Variants in C6 observed in about 807,000 individuals in gnomAD.
The protein encoded by C6 is complement C6, also known as complement component C6.
Under a neutral mutation model 112.9 loss-of-function variants are expected in C6, and 101 were observed. That is an observed-to-expected ratio of 0.89 (90% CI 0.76 to 1.06). C6 has a LOEUF of 1.06. Ranked by LOEUF, C6 falls within the 50% of genes least tolerant of loss-of-function variation. The pLI is 0.00. For missense variants in C6, 1,202 were observed against 1,104.6 expected, an observed-to-expected ratio of 1.09 and a Z score of -1.25; for synonymous variants, 431 against 384.1, an observed-to-expected ratio of 1.12 and a Z score of -1.43.
At chr5:41,209,559 C>T (rs1403403946) in intron 1 of C6, among the ~76,000 whole-genome samples, 3 of 152,182 alleles carry the variant, frequency 2.0e-5, no homozygotes, top group Admixed American at 1.3e-4. Flanking sequence ...AAATCACAGA[C>T]ATTCCTATAT....
At chr5:41,159,006 T>C (rs976549660) in intron 12 of C6, 76 bp downstream of exon 12, 24 of 1,488,252 alleles carry the variant, frequency 1.6e-5, no homozygotes, top group Admixed American at 5.0e-5. Flanking sequence ...AGCAGTAGAC[T>C]AATAACCATT....
At chr5:41,240,294 C>T (rs915141611) in intron 1 of C6, among the ~76,000 whole-genome samples, 6 of 152,080 alleles carry the variant, frequency 3.9e-5, no homozygotes, top group Non-Finnish European at 7.4e-5. Flanking sequence ...CCAAGAATGC[C>T]TGTTCTTGGA....
At chr5:41,149,808 A>T (rs4422567) in intron 16 of C6, 127 bp downstream of exon 16, 1 of 741,852 alleles carries the variant, frequency 1.3e-6, no homozygotes, top group African/African-American at 1.7e-5. Context: ...GAGCACAGGA[A>T]TATCAGTTAT....
intron 1 of C6, among the ~76,000 whole-genome samples, chr5:41,234,131 AG>A (rs1740083371): frequency 6.6e-6 from 1 of 152,080 alleles, no homozygotes; most frequent in Non-Finnish European, 1.5e-5. Context: ...TCTTTCCCAC[AG>A]GGGTCATTCT....
At chr5:41,186,639 T>C in intron 5 of C6, among the ~76,000 whole-genome samples, 1 of 152,230 alleles carries the variant, frequency 6.6e-6, no homozygotes, top group Middle Eastern at 3.4e-3. Flanking sequence ...TTTAATGGAA[T>C]TGTAATAATA....
chr5:41,232,274 C>T (rs111907754), intron 1 of C6, among the ~76,000 whole-genome samples: 1,546 of 152,166 alleles, frequency 0.01, 33 homozygotes, highest in African/African-American at 0.035. Flanking sequence ...GTCTTAGTAG[C>T]CCTTACTCAC....
chr5:41,246,929 G>A (rs906493954), intron 1 of C6, among the ~76,000 whole-genome samples: 4 of 152,098 alleles, frequency 2.6e-5, no homozygotes, highest in African/African-American at 7.2e-5. Flanking sequence ...AAATTTATAT[G>A]GTTATAAAAT....
chr5:41,228,790 G>A (rs1327426475), intron 1 of C6, among the ~76,000 whole-genome samples: 1 of 152,030 alleles, frequency 6.6e-6, no homozygotes, highest in African/African-American at 2.4e-5. Flanking sequence ...AATCATCCTT[G>A]CATCCCATGG....
chr5:41,209,275 G>C (rs932518922), intron 1 of C6, among the ~76,000 whole-genome samples: 1 of 152,130 alleles, frequency 6.6e-6, no homozygotes. Flanking sequence ...TACCGAATGA[G>C]TAAAAACTGG....
intron 1 of C6, among the ~76,000 whole-genome samples, chr5:41,236,825 G>T (rs368862126): frequency 0.087 from 10,708 of 122,982 alleles, 620 homozygotes; most frequent in Middle Eastern, 0.17. Flanking sequence ...TTGATAGACC[G>T]CTAGCAAGAC....
At chr5:41,234,327 T>C (rs1242010385) in intron 1 of C6, among the ~76,000 whole-genome samples, 1 of 151,590 alleles carries the variant, frequency 6.6e-6, no homozygotes, top group Non-Finnish European at 1.5e-5. Context: ...ACTTTGTTAT[T>C]CTACCCTTTC....
chr5:41,160,314 C>T lies in C6; in HGVS notation c.1512G>A (p.Arg504=). 1 of 1,613,780 alleles carries T rather than the reference C, an allele frequency of 6.2e-7. No homozygotes were observed. The highest frequency in any genetic ancestry group is 8.5e-7 in the Non-Finnish European group (1 of 1,179,822). ...VRNIPCAVTK[R]NNLRKALQEY... is the part of the protein sequence containing the mutation. ...CTTGCAAAGCTTTCCTGAGGTTGTT[C>T]CGTTTTGTCACTGCACAGGGGATGT... is the stretch of plus-strand genomic sequence containing the variant. Residue 504 remains arginine, a synonymous_variant, in exon 11 of 18, where the codon CGG becomes CGA. Coordinates refer to ENST00000337836, the MANE Select transcript of C6 (RefSeq NM_000065.5).
At chr5:41,212,324 C>A (rs1471745315) in intron 1 of C6, among the ~76,000 whole-genome samples, 1 of 152,004 alleles carries the variant, frequency 6.6e-6, no homozygotes. Context: ...CCACACCCAG[C>A]TAATTTTTGT....
Position 41,183,978 on chromosome 5 carries a change from G to C in C6, c.726+2092C>G, listed in dbSNP as rs554393808. Among the ~76,000 whole-genome samples, 1,201 of 133,218 alleles carry C rather than the reference G, an allele frequency of 9.0e-3. 15 individuals carry two copies. The highest frequency in any genetic ancestry group is 0.032 in the African/African-American group (1,124 of 34,830). The allele number at this position is 133,218 out of a possible 152,430, so 87.4% of individuals were successfully genotyped here. A position where few individuals can be genotyped will look rare whatever the true frequency, so the allele number is the denominator to read the frequency against. On this transcript the variant is annotated intron_variant, in intron 6 of 17. Coordinates refer to ENST00000337836, the MANE Select transcript of C6 (RefSeq NM_000065.5). ...CAACAACAGACACTGGGGTCTACTA[G>C]GGGGGGAAGGGAGGGAGGGGCAAGA... is the stretch of plus-strand genomic sequence containing the variant.
Position 41,155,124 on chromosome 5 carries a change from A to G in C6, c.1969-20T>C. 6.2e-7 allele frequency: 1 copy of G among 1,605,770 alleles called. No individual in the cohort carries two copies. Among genetic ancestry groups the G allele is most frequent in the African/African-American group, 1.3e-5 (1 of 74,852 alleles). On this transcript the variant is annotated intron_variant, in intron 13 of 17. Transcript: ENST00000337836. ...TTCATTCTTAATTAAAGCAGAAACC[A>G]GAAATTATTAATGCTATGAATAACA...
intron 6 of C6, among the ~76,000 whole-genome samples, chr5:41,184,888 A>G (rs1221386130): frequency 1.3e-5 from 2 of 152,226 alleles, no homozygotes; most frequent in African/African-American, 4.8e-5. Flanking sequence ...ACTCTAAGGT[A>G]TCATATGAGT....
chr5:41,233,600 T>C (rs1226865896), intron 1 of C6, among the ~76,000 whole-genome samples: 1 of 152,088 alleles, frequency 6.6e-6, no homozygotes, highest in Non-Finnish European at 1.5e-5. Context: ...AATAAGATTT[T>C]TGTAGAGCAC....
At chr5:41,218,629 T>C (rs1236147096) in intron 1 of C6, among the ~76,000 whole-genome samples, 1 of 152,166 alleles carries the variant, frequency 6.6e-6, no homozygotes. Flanking sequence ...TAGGACCCAC[T>C]GAGCTGGTTT....
chr5:41,211,937 T>C (rs2150393634), intron 1 of C6, among the ~76,000 whole-genome samples: 1 of 152,300 alleles, frequency 6.6e-6, no homozygotes, highest in East Asian at 1.9e-4. Flanking sequence ...GTGAGTTTTA[T>C]TCCAATTATC....
Sources: allele counts gnomAD v4.1 joint callset (sites outside exome capture counted in the v4.1 genomes callset), GRCh38; gene constraint gnomAD v4.1.1; transcripts MANE v1.5; gene names NCBI Gene and HGNC (gene_info 2026-07-23, HGNC 2026-07-21).